ZACN: variants seen among roughly 807,000 people sequenced by gnomAD.
ZACN encodes the protein zinc activated ion channel.
A neutral mutation model predicts 38.9 loss-of-function variants in ZACN; 52 were observed. The observed-to-expected ratio is 1.34, with a 90% CI of 1.07 to 1.68. ZACN has a LOEUF of 1.68. Ranked by LOEUF, ZACN falls within the 40% of genes most tolerant of loss-of-function variation. ZACN has a pLI of 0.00. For missense variants in ZACN, 559 were observed against 525.6 expected, an observed-to-expected ratio of 1.06 and a Z score of -0.62; for synonymous variants, 235 against 227.4, an observed-to-expected ratio of 1.03 and a Z score of -0.30.
chr17:76,082,712 C>G lies in ZACN; in HGVS notation c.*59C>G, dbSNP rs1018203804. On this transcript the variant is annotated 3_prime_UTR_variant, in exon 9 of 9. Coordinates refer to ENST00000334586, the MANE Select transcript of ZACN (RefSeq NM_180990.4). ...AAGTTTGCTTTCCCATGGCTGGGGG[C>G]GGGCCATGACAGGGCCTCTGGATTA... 6.7e-7 allele frequency: 1 copy of G among 1,502,152 alleles called. No individual in the cohort carries two copies. Among genetic ancestry groups the G allele is most frequent in the South Asian group, 1.3e-5 (1 of 75,352 alleles). 93.1% of individuals were successfully genotyped at this position (1,502,152 alleles called of 1,614,324 possible). A position where few individuals can be genotyped will look rare whatever the true frequency, so the allele number is the denominator to read the frequency against.
At position 76,080,050 on chromosome 17, in the gene ZACN, C is replaced by T. The variant is rs947288962; in HGVS notation, c.374+56C>T. The stretch of plus-strand genomic sequence containing the variant: ...TGCCATGCATAGCCCTCCTTTTCCC[C>T]CATCTACAACCTAGAGGCTGTCTGA... On this transcript the variant is annotated intron_variant, in intron 4 of 8. Transcript: ENST00000334586. 4 of 1,522,886 alleles carry T rather than the reference C, an allele frequency of 2.6e-6. No homozygotes were observed. The African/African-American group carries it at 4.1e-5, about 16-fold the overall frequency. 94.3% of individuals were successfully genotyped at this position (1,522,886 alleles called of 1,614,324 possible). A position where few individuals can be genotyped will look rare whatever the true frequency, so the allele number is the denominator to read the frequency against.
At chr17:76,080,464 G>A (rs1342468122) in intron 5 of ZACN, 40 bp downstream of exon 5, 2 of 1,608,358 alleles carry the variant, frequency 1.2e-6, no homozygotes, top group Middle Eastern at 1.6e-4. Flanking sequence ...AGGAGGGGAG[G>A]AGGAAGGTGG....
At position 76,080,312 on chromosome 17, in the gene ZACN, C is replaced by T. The variant is rs758965476; in HGVS notation, c.432C>T (p.His144=). The change falls in exon 5 of 9, where the codon CAC becomes CAT. Residue 144 remains histidine, a synonymous_variant. Coordinates refer to ENST00000334586, the MANE Select transcript of ZACN (RefSeq NM_180990.4). ...AGGCTCGAGTAGACCAGGACGGCCA[C>T]GTGAAGCTCAACCTGGCCCTCGCCA... ...SPQARVDQDG[H]VKLNLALATE... 1.8e-5 allele frequency: 29 copies of T among 1,613,724 alleles called. No individual in the cohort carries two copies. The highest frequency in any genetic ancestry group is 2.4e-5 in the Non-Finnish European group (28 of 1,179,882).
rs1474220867 is a variant in ZACN at position 76,082,760 on chromosome 17, G to C, written c.*107G>C. ...TTAAGCCACCCTGAGCTCTCCCTCC[G>C]CTAGCACACAAGCACAGAGCGTGAA... On this transcript the variant is annotated 3_prime_UTR_variant, in exon 9 of 9. Transcript: ENST00000334586. 9.1e-7 allele frequency: 1 copy of C among 1,097,696 alleles called. No homozygotes were observed. The highest frequency in any genetic ancestry group is 1.7e-5 in the South Asian group (1 of 57,662). The allele number at this position is 1,097,696 out of a possible 1,614,324, so 68.0% of individuals were successfully genotyped here. A position where few individuals can be genotyped will look rare whatever the true frequency, so the allele number is the denominator to read the frequency against.
intron 8 of ZACN, 63 bp from the exon 9 acceptor site, chr17:76,082,400 C>T (rs918360426): frequency 6.7e-7 from 1 of 1,489,464 alleles, no homozygotes; most frequent in Non-Finnish European, 9.0e-7. Context: ...CTGGGGTTCG[C>T]TCTTCCGCTC....
chr17:76,081,033 C>A, intron 5 of ZACN: 1 of 479,258 alleles, frequency 2.1e-6, no homozygotes. Context: ...GTGCAAAGTA[C>A]ATTTATTTTT....
chr17:76,080,646 T>G (rs2066937941), intron 5 of ZACN: 3 of 703,072 alleles, frequency 4.3e-6, no homozygotes, highest in Non-Finnish European at 7.7e-6. Context: ...GCAGCCCATC[T>G]CTGTGCTCAG....
chr17:76,079,675 T>C (rs999147289), intron 2 of ZACN, 27 bp from the exon 3 acceptor site: 2 of 1,612,156 alleles, frequency 1.2e-6, no homozygotes, highest in African/African-American at 2.7e-5. Context: ...GCGCTCACCC[T>C]GAGGTGATGC....
In ZACN at chr17:76,079,947, G is replaced by C; in HGVS notation, c.327G>C (p.Thr109=). Residue 109 remains threonine (T), a synonymous_variant, in exon 4 of 9, where the codon ACG becomes ACC. Coordinates refer to ENST00000334586, the MANE Select transcript of ZACN (RefSeq NM_180990.4). The part of the protein sequence containing the change: ...NTSAHPRHAI[T]LPWESLWTPR... ...GTGCACACCCGCGGCACGCCATCAC[G>C]CTGCCCTGGGAGTCTCTCTGGACAC... 2 of 1,599,816 alleles carry C rather than the reference G, an allele frequency of 1.3e-6. No homozygotes were observed. Among genetic ancestry groups the C allele is most frequent in the Non-Finnish European group, 1.7e-6 (2 of 1,173,434 alleles).
chr17:76,081,472 A>C lies in ZACN; in HGVS notation c.669+70A>C. The stretch of plus-strand genomic sequence containing the variant: ...GGTGGGAGTGAGGATGCACGGCCAG[A>C]GGCCAGGCCCCATGCCCCCGATGCC... On this transcript the variant is annotated intron_variant, in intron 6 of 8. Transcript: ENST00000334586. 3.1e-6 allele frequency: 5 copies of C among 1,609,972 alleles called. No individual in the cohort carries two copies. In the South Asian group the frequency reaches 5.5e-5, roughly 18 times the overall value.
At chr17:76,080,040 T>C in intron 4 of ZACN, 46 bp downstream of exon 4, 5 of 1,501,986 alleles carry the variant, frequency 3.3e-6, no homozygotes, top group Non-Finnish European at 4.5e-6. Flanking sequence ...TGCATAGCCC[T>C]CCTTTTCCCC....
At chr17:76,080,948 C>T in intron 5 of ZACN, 1 of 400,254 alleles carries the variant, frequency 2.5e-6, no homozygotes, top group Non-Finnish European at 4.9e-6. Flanking sequence ...ACAGCGGTAG[C>T]CCTGGGGATC....
At chr17:76,080,623 C>G in intron 5 of ZACN, 199 bp downstream of exon 5, 1 of 776,104 alleles carries the variant, frequency 1.3e-6, no homozygotes, top group Middle Eastern at 2.2e-4. Context: ...CCACTGCGCC[C>G]CCCACTCGAG....
At position 76,079,701 on chromosome 17, in the gene ZACN, G is replaced by C. The variant is rs756108910; in HGVS notation, c.223-1G>C. 6.2e-7 allele frequency: 1 copy of C among 1,613,388 alleles called. No homozygotes were observed. Among genetic ancestry groups the C allele is most frequent in the South Asian group, 1.1e-5 (1 of 90,976 alleles). On this transcript the variant is annotated splice_acceptor_variant, in intron 2 of 8. Coordinates refer to ENST00000334586, the MANE Select transcript of ZACN (RefSeq NM_180990.4). LOFTEE classifies it high-confidence loss of function. The stretch of plus-strand genomic sequence containing the variant: ...GAGGTGATGCATTGCCCTTCCCCCA[G>C]GACATCCTGCGATACACAATGTCCT...
rs750670426 is a variant in ZACN at position 76,082,445 on chromosome 17, C to T, written c.1049-18C>T. ...GGACCTTGAAGAACAGCTCCTTTCC[C>T]TGTATCTCTCCCCACAGAGCCCTCC... is the stretch of plus-strand genomic sequence containing the variant. On this transcript the variant is annotated intron_variant, in intron 8 of 8. Coordinates refer to ENST00000334586, the MANE Select transcript of ZACN (RefSeq NM_180990.4). 5 of 1,587,366 alleles carry T rather than the reference C, an allele frequency of 3.1e-6. No homozygotes were observed. The South Asian group carries it at 5.7e-5, about 18-fold the overall frequency.
rs751633377 is a variant in ZACN, at chr17:76,079,270, G to A, written c.6G>A (p.Met2Ile). The A allele has an allele frequency of 1.9e-6, 3 of 1,611,858 alleles. No individual in the cohort carries two copies. The highest frequency in any genetic ancestry group is 4.5e-5 in the East Asian group (2 of 44,794). Residue 2 changes from methionine to isoleucine, a missense_variant, in exon 1 of 9, where the codon ATG (methionine) becomes ATA (isoleucine). Transcript: ENST00000334586. ...CCAGTCCCTCCGTGCAGCCGATGAT[G>A]GCCCTATGGTCCCTGCTCCATCTCA... Reference protein sequence around the residue: MMALWSLLHLTF... With the variant: MIALWSLLHLTF...
At position 76,081,719 on chromosome 17, in the gene ZACN, G is replaced by C; in HGVS notation, c.844G>C (p.Ala282Pro). The change falls in exon 7 of 9, where the codon GCC becomes CCC. Residue 282 changes from alanine (A) to proline (P), a missense_variant. Physicochemically the swap from Ala to Pro is conservative, Grantham distance 27. Coordinates refer to ENST00000334586, the MANE Select transcript of ZACN (RefSeq NM_180990.4). The part of the protein sequence containing the change: ...YLVLHSSLVQ[A>P]LPSSSSCNPL... ...CGTCCTCCACTCCTCCCTGGTGCAG[G>C]CCCTGCCCAGCTCCTCCTCCTGCAA... The C allele has an allele frequency of 6.2e-7, 1 of 1,614,022 alleles. No homozygotes were observed. Among genetic ancestry groups the C allele is most frequent in the Non-Finnish European group, 8.5e-7 (1 of 1,180,004 alleles).
At chr17:76,081,860 C>T in intron 7 of ZACN, 22 bp from the exon 8 acceptor site, 1 of 1,608,410 alleles carries the variant, frequency 6.2e-7, no homozygotes, top group South Asian at 1.1e-5. Flanking sequence ...CTGAGCATCT[C>T]CCTGTGCCCT....
intron 2 of ZACN, 25 bp downstream of exon 2, chr17:76,079,588 C>G: frequency 6.2e-7 from 1 of 1,614,014 alleles, no homozygotes; most frequent in Non-Finnish European, 8.5e-7. Context: ...GCCAAGGGCC[C>G]CAAGTGCTGA....
Sources: allele counts gnomAD v4.1 joint callset, GRCh38; gene constraint gnomAD v4.1.1; transcripts MANE v1.5; gene names NCBI Gene and HGNC (gene_info 2026-07-23, HGNC 2026-07-21).